MARCHF1: variants seen among roughly 807,000 people sequenced by gnomAD.
MARCHF1 encodes membrane associated ring-CH-type finger 1.
In MARCHF1, 40 loss-of-function variants were observed where a neutral mutation model predicts 54.2. That is an observed-to-expected ratio of 0.74 (90% CI 0.57 to 0.96). MARCHF1 has a LOEUF of 0.96. MARCHF1 is among the 40% of genes least tolerant of loss of function. MARCHF1 has a pLI of 0.00. For missense variants in MARCHF1, 586 were observed against 656.5 expected (o/e 0.89, Z 1.17); for synonymous variants, 236 against 236.3 (o/e 1.00, Z 0.01).
Position 163,854,064 on chromosome 4 carries a change from T to C in MARCHF1, c.68A>G (p.Glu23Gly). 1 of 1,536,978 alleles carries C rather than the reference T, an allele frequency of 6.5e-7. No homozygotes were observed. Among genetic ancestry groups the C allele is most frequent in the Non-Finnish European group, 8.7e-7 (1 of 1,146,690 alleles). ...GGCGTCAGCCAAATCCCCTGAGATCTCGGGTGTTCGCGTGTTGTTTGGAAT... is the reference window on the plus strand; with the variant it reads ...GGCGTCAGCCAAATCCCCTGAGATCCCGGGTGTTCGCGTGTTGTTTGGAAT... ...HRIPNNTRTPEISGDLADASQ... is the reference protein window; with the variant it reads ...HRIPNNTRTPGISGDLADASQ... Residue 23 changes from glutamate to glycine, a missense_variant, in exon 4 of 10, where the codon GAG becomes GGG. Around this residue, in one of 3 missense-constraint regions of MARCHF1, gnomAD observed 387 missense variants for 394.6 expected, o/e 0.98. Transcript: ENST00000514618.
intron 1 of MARCHF1, among the ~76,000 whole-genome samples, chr4:164,133,164 T>C (rs1756336095): frequency 6.6e-6 from 1 of 152,192 alleles, no homozygotes; most frequent in Non-Finnish European, 1.5e-5. Flanking sequence ...TTTAGGGCTC[T>C]GACTCCTTTA....
Position 164,100,988 on chromosome 4 carries a change from A to AGAAAGGGGTGAC in MARCHF1, c.-248+10588_-248+10599dup, listed in dbSNP as rs1304629077. Among the ~76,000 whole-genome samples, 18 of 152,360 alleles carry AGAAAGGGGTGAC rather than the reference A, an allele frequency of 1.2e-4. No individual in the cohort carries two copies. The South Asian group carries it at 3.5e-3, about 30-fold the overall frequency. On this transcript the variant is annotated intron_variant, in intron 2 of 9. Coordinates refer to ENST00000514618, the MANE Select transcript of MARCHF1 (RefSeq NM_001394959.1). ...TCAGGGATTTCCCTTTCTGAGTCAA[A>AGAAAGGGGTGAC]GAAAGGGGTGACGGACTGCACCTGG...
chr4:163,570,376 ACAT>A (rs1739802834), intron 8 of MARCHF1, among the ~76,000 whole-genome samples: 1 of 152,058 alleles, frequency 6.6e-6, no homozygotes, highest in Non-Finnish European at 1.5e-5. Flanking sequence ...ACTTTTACTG[ACAT>A]CATTTTATTC....
intron 4 of MARCHF1, among the ~76,000 whole-genome samples, chr4:163,722,667 C>A (rs1472620648): frequency 6.6e-6 from 1 of 152,150 alleles, no homozygotes; most frequent in Non-Finnish European, 1.5e-5. Flanking sequence ...GAGTCTAAAT[C>A]TCTTTGTAGA....
intron 7 of MARCHF1, among the ~76,000 whole-genome samples, chr4:163,608,902 C>T (rs1741231217): frequency 6.6e-6 from 1 of 152,052 alleles, no homozygotes; most frequent in South Asian, 2.1e-4. Context: ...GGTTCTCAGG[C>T]TGTATCCATT....
At chr4:163,795,469 A>G (rs927812710) in intron 4 of MARCHF1, among the ~76,000 whole-genome samples, 2 of 152,200 alleles carry the variant, frequency 1.3e-5, no homozygotes, top group African/African-American at 4.8e-5. Flanking sequence ...GCCTCAGGCA[A>G]TCCACCTGCC....
intron 4 of MARCHF1, among the ~76,000 whole-genome samples, chr4:163,786,898 A>T (rs1177071419): frequency 1.3e-5 from 2 of 152,014 alleles, no homozygotes; most frequent in African/African-American, 4.8e-5. Context: ...TATATAGACC[A>T]CTGGAACAGA....
At position 163,832,535 on chromosome 4, in the gene MARCHF1, G is replaced by C. The variant is rs139272430; in HGVS notation, c.111+21486C>G. ...GGTCTAGTAAAAACTCTAAAAACTT[G>C]ACAAATTAAATTAGTTTCTTTCATC... On this transcript the variant is annotated intron_variant, in intron 4 of 9. Transcript: ENST00000514618. Among the ~76,000 whole-genome samples, 438 of 151,684 alleles carry C rather than the reference G, an allele frequency of 2.9e-3. 5 individuals are homozygous for C. The highest frequency in any genetic ancestry group is 0.022 in the Admixed American group (338 of 15,200).
intron 1 of MARCHF1, among the ~76,000 whole-genome samples, chr4:164,153,676 T>C (rs1327560396): frequency 6.6e-6 from 1 of 152,140 alleles, no homozygotes; most frequent in Non-Finnish European, 1.5e-5. Context: ...TTATACATCA[T>C]ACAAACAACC....
rs1731067091 is a variant in MARCHF1 at position 164,189,520 on chromosome 4, G to A, written c.-322-77858C>T. On this transcript the variant is annotated intron_variant, in intron 1 of 9. Coordinates refer to ENST00000514618, the MANE Select transcript of MARCHF1 (RefSeq NM_001394959.1). ...GGTTAAAAAGTCCTTCAATGGCAAG[G>A]AGTCCTCCCATGGCATAAACCCAGA... The A allele has an allele frequency of 1.2e-5, 9 of 774,590 alleles. No individual in the cohort carries two copies. The Admixed American group carries it at 1.3e-4, about 12-fold the overall frequency. 48.0% of individuals were successfully genotyped at this position (774,590 alleles called of 1,614,324 possible).
intron 4 of MARCHF1, among the ~76,000 whole-genome samples, chr4:163,802,809 C>T (rs926361802): frequency 7.9e-5 from 12 of 152,102 alleles, no homozygotes; most frequent in Non-Finnish European, 1.5e-4. Flanking sequence ...GAATGCTAAG[C>T]ATAGATCAGT....
intron 9 of MARCHF1, chr4:163,529,672 A>G (rs978188698): frequency 6.6e-6 from 1 of 152,108 alleles, no homozygotes; most frequent in Non-Finnish European, 1.5e-5. Context: ...TTTGTCATTG[A>G]GAACCATCAC....
At chr4:164,092,392 C>T (rs1360685237) in intron 2 of MARCHF1, among the ~76,000 whole-genome samples, 1 of 152,042 alleles carries the variant, frequency 6.6e-6, no homozygotes, top group Admixed American at 6.6e-5. Flanking sequence ...CAACATGTAC[C>T]CCATCATTCA....
intron 1 of MARCHF1, among the ~76,000 whole-genome samples, chr4:164,310,600 C>T (rs1024001078): frequency 7.9e-6 from 1 of 126,338 alleles, no homozygotes; most frequent in East Asian, 3.4e-4. Flanking sequence ...TTATGTTCAA[C>T]AAAAAGTTGA....
At chr4:163,852,110 A>G (rs1463569656) in intron 4 of MARCHF1, among the ~76,000 whole-genome samples, 1 of 152,186 alleles carries the variant, frequency 6.6e-6, no homozygotes. Context: ...AAATGTGAAG[A>G]AAATGTCATC....
At chr4:163,679,814 G>GTGTTAGCCAGGA (rs1561014720) in intron 5 of MARCHF1, among the ~76,000 whole-genome samples, 1 of 151,362 alleles carries the variant, frequency 6.6e-6, no homozygotes, top group Non-Finnish European at 1.5e-5. Flanking sequence ...GGGTTTCACC[G>GTGTTAGCCAGGA]TGGTCTCGAT....
chr4:163,922,000 A>G (rs1413410287), intron 3 of MARCHF1, among the ~76,000 whole-genome samples: 1 of 152,228 alleles, frequency 6.6e-6, no homozygotes, highest in Non-Finnish European at 1.5e-5. Flanking sequence ...CTGGATTAAG[A>G]AAATGTGGCA....
intron 4 of MARCHF1, among the ~76,000 whole-genome samples, chr4:163,786,184 C>A (rs1434700934): frequency 6.6e-6 from 1 of 151,962 alleles, no homozygotes; most frequent in African/African-American, 2.4e-5. Context: ...TTGTTTTAAG[C>A]CACTAAGTTG....
At chr4:163,736,550 G>T (rs1223516813) in intron 4 of MARCHF1, among the ~76,000 whole-genome samples, 1 of 3,868 alleles carries the variant, frequency 2.6e-4, no homozygotes, top group African/African-American at 8.4e-4. Flanking sequence ...AGGGTTGGGT[G>T]GGGGGGGGGA....
Sources: allele counts gnomAD v4.1 joint callset (sites outside exome capture counted in the v4.1 genomes callset), GRCh38; gene constraint gnomAD v4.1.1; regional missense constraint gnomAD v4.1.1; transcripts MANE v1.5; gene names NCBI Gene and HGNC (gene_info 2026-07-23, HGNC 2026-07-21).